Variants in GPC5 observed in about 807,000 individuals in gnomAD.
GPC5 encodes the protein glypican-5.
In GPC5, 47 loss-of-function variants were observed where a neutral mutation model predicts 53.9. The observed-to-expected ratio is 0.87, with a 90% CI of 0.69 to 1.11. The LOEUF is 1.11. GPC5 is among the 50% of genes most tolerant of loss of function. The pLI is 0.00. For synonymous variants in GPC5, 286 were observed against 263.3 expected (o/e 1.09, Z -0.84); for missense variants, 748 against 713.1 (o/e 1.05, Z -0.56).
chr13:92,649,551 C>T (rs1393342662), intron 7 of GPC5, among the ~76,000 whole-genome samples: 4 of 152,058 alleles, frequency 2.6e-5, no homozygotes, highest in Admixed American at 6.6e-5. Flanking sequence ...AAGTATAATT[C>T]ACTTTTCTGC....
At chr13:92,547,301 T>TG (rs1882151592) in intron 7 of GPC5, among the ~76,000 whole-genome samples, 1 of 152,146 alleles carries the variant, frequency 6.6e-6, no homozygotes, top group South Asian at 2.1e-4. Context: ...AGGAATATAT[T>TG]TTTTCGAAGT....
chr13:92,683,056 G>A (rs1325807353), intron 7 of GPC5, among the ~76,000 whole-genome samples: 1 of 152,122 alleles, frequency 6.6e-6, no homozygotes, highest in African/African-American at 2.4e-5. Flanking sequence ...TGGGAGTGTT[G>A]ACTGACACTG....
At chr13:91,743,919 C>A (rs1302255875) in intron 4 of GPC5, among the ~76,000 whole-genome samples, 1 of 152,134 alleles carries the variant, frequency 6.6e-6, no homozygotes, top group Non-Finnish European at 1.5e-5. Context: ...TTAAATTAAG[C>A]TTCCTTCTCA....
intron 7 of GPC5, among the ~76,000 whole-genome samples, chr13:92,488,435 T>C (rs1364709434): frequency 6.6e-6 from 1 of 152,180 alleles, no homozygotes; most frequent in Non-Finnish European, 1.5e-5. Flanking sequence ...TTCTAGGCAG[T>C]GATGGGAAAA....
intron 6 of GPC5, among the ~76,000 whole-genome samples, chr13:91,996,989 T>C (rs1198065292): frequency 3.9e-5 from 6 of 152,060 alleles, no homozygotes; most frequent in African/African-American, 1.4e-4. Context: ...AGTATCTTAA[T>C]TATAATATAT....
At chr13:91,660,884 T>G (rs2034972155) in intron 2 of GPC5, among the ~76,000 whole-genome samples, 1 of 152,208 alleles carries the variant, frequency 6.6e-6, no homozygotes, top group South Asian at 2.1e-4. Flanking sequence ...TAAAAAAATC[T>G]CTAGTCTTCT....
intron 7 of GPC5, among the ~76,000 whole-genome samples, chr13:92,697,584 G>T (rs1045910342): frequency 2.0e-5 from 3 of 152,186 alleles, no homozygotes; most frequent in African/African-American, 7.2e-5. Flanking sequence ...TCAGCTTAAG[G>T]AGATTTTGGG....
At chr13:91,711,125 A>G (rs1361062569) in intron 3 of GPC5, among the ~76,000 whole-genome samples, 1 of 152,192 alleles carries the variant, frequency 6.6e-6, no homozygotes, top group Non-Finnish European at 1.5e-5. Context: ...AGGATTATAC[A>G]AATCATGCTA....
intron 3 of GPC5, among the ~76,000 whole-genome samples, chr13:91,712,977 G>A (rs1052202436): frequency 6.6e-6 from 1 of 152,174 alleles, no homozygotes; most frequent in Non-Finnish European, 1.5e-5. Context: ...GATTACCTGA[G>A]GTCAGGAGTT....
chr13:92,385,579 T>C (rs1594156089), intron 7 of GPC5, among the ~76,000 whole-genome samples: 1 of 106,350 alleles, frequency 9.4e-6, no homozygotes, highest in Non-Finnish European at 1.9e-5. Context: ...TACGCATATA[T>C]AATATATACG....
chr13:91,666,579 G>T (rs561902108), intron 2 of GPC5, among the ~76,000 whole-genome samples: 14 of 152,046 alleles, frequency 9.2e-5, no homozygotes, highest in Middle Eastern at 3.4e-3. Flanking sequence ...CATTTTTGTG[G>T]TGTTAAATAT....
intron 5 of GPC5, among the ~76,000 whole-genome samples, chr13:91,837,591 C>T (rs907108685): frequency 1.3e-5 from 2 of 152,122 alleles, no homozygotes; most frequent in African/African-American, 4.8e-5. Flanking sequence ...ATTTCTAGTA[C>T]CTTAGCTATG....
chr13:92,692,874 T>C (rs958410494), intron 7 of GPC5, among the ~76,000 whole-genome samples: 10 of 150,842 alleles, frequency 6.6e-5, no homozygotes, highest in African/African-American at 2.2e-4. Flanking sequence ...ACTAATATGG[T>C]TTGGCTCTGC....
chr13:92,118,494 G>A (rs1022674761), intron 6 of GPC5, among the ~76,000 whole-genome samples: 4 of 152,184 alleles, frequency 2.6e-5, no homozygotes, highest in African/African-American at 9.7e-5. Flanking sequence ...TATCATGACA[G>A]CAGCTTCAGA....
intron 2 of GPC5, among the ~76,000 whole-genome samples, chr13:91,600,852 G>A (rs1364083207): frequency 6.6e-6 from 1 of 152,066 alleles, no homozygotes; most frequent in Non-Finnish European, 1.5e-5. Flanking sequence ...CTAATCATAG[G>A]AAGATGTATA....
At chr13:92,134,058 C>T (rs575750646) in intron 6 of GPC5, among the ~76,000 whole-genome samples, 1 of 152,220 alleles carries the variant, frequency 6.6e-6, no homozygotes, top group South Asian at 2.1e-4. Flanking sequence ...TATGGGTTGG[C>T]TTCACTTCTG....
intron 5 of GPC5, among the ~76,000 whole-genome samples, chr13:91,880,355 T>G (rs1421626541): frequency 6.6e-6 from 1 of 152,098 alleles, no homozygotes; most frequent in Non-Finnish European, 1.5e-5. Flanking sequence ...TTTTTCCGTA[T>G]TATGGGCTAT....
At chr13:92,149,071 G>A (rs572731450) in intron 7 of GPC5, among the ~76,000 whole-genome samples, 3 of 151,856 alleles carry the variant, frequency 2.0e-5, no homozygotes, top group East Asian at 3.9e-4. Context: ...GGTAATCGAG[G>A]GAAAATGCAT....
At chr13:91,440,217 T>G (rs1246489827) in intron 1 of GPC5, among the ~76,000 whole-genome samples, 1 of 152,200 alleles carries the variant, frequency 6.6e-6, no homozygotes, top group Non-Finnish European at 1.5e-5. Flanking sequence ...GACTCCAATC[T>G]TACCTATGTT....
Sources: allele counts gnomAD v4.1 joint callset (sites outside exome capture counted in the v4.1 genomes callset), GRCh38; gene constraint gnomAD v4.1.1; transcripts MANE v1.5; gene names NCBI Gene and HGNC (gene_info 2026-07-23, HGNC 2026-07-21).